Variants in TASOR observed in about 807,000 individuals in gnomAD.
TASOR encodes transcription activation suppressor, also known as protein TASOR.
TASOR carries 53 observed loss-of-function variants against 178.6 expected under a neutral mutation model. The observed-to-expected ratio is 0.30, with a 90% CI of 0.24 to 0.37. TASOR has a LOEUF of 0.37. Ranked by LOEUF, TASOR falls within the 10% of genes least tolerant of loss-of-function variation. TASOR has a pLI of 1.00. For missense variants in TASOR, 1,815 were observed against 1,971.4 expected, an observed-to-expected ratio of 0.92 and a Z score of 1.50; for synonymous variants, 713 against 696.2, an observed-to-expected ratio of 1.02 and a Z score of -0.38.
chr3:56,677,782 T>C (rs1248415113), intron 1 of TASOR, among the ~76,000 whole-genome samples: 1 of 152,188 alleles, frequency 6.6e-6, no homozygotes, highest in African/African-American at 2.4e-5. Flanking sequence ...TTCTCTCAAA[T>C]TTCTTAATTT....
At chr3:56,669,160 C>T (rs943757057) in intron 5 of TASOR, among the ~76,000 whole-genome samples, 7 of 152,038 alleles carry the variant, frequency 4.6e-5, no homozygotes, top group Non-Finnish European at 8.8e-5. Flanking sequence ...CTCTACATTC[C>T]TTTCTTTGGA....
intron 5 of TASOR, among the ~76,000 whole-genome samples, chr3:56,668,968 G>A (rs547875415): frequency 1.3e-5 from 2 of 151,224 alleles, no homozygotes; most frequent in South Asian, 2.1e-4. Context: ...GTGAGACTCC[G>A]TCTCCAAAAA....
chr3:56,668,466 T>A lies in TASOR; in HGVS notation c.828A>T (p.Glu276Asp), dbSNP rs764081373. Reference sequence around the variant, plus strand: ...GATTGGCATTCTTTGACACGTGACATTCATGCTTTGGTGTGGGGTCCAAAG... The same window carrying A: ...GATTGGCATTCTTTGACACGTGACAATCATGCTTTGGTGTGGGGTCCAAAG... The part of the protein sequence containing the change: ...KSALDPTPKH[E>D]CHVSKNANRI... Residue 276 changes from glutamate (E) to aspartate (D), a missense_variant, in exon 6 of 24, where the codon GAA becomes GAT. Physicochemically the swap from Glu to Asp is conservative, Grantham distance 45 (BLOSUM62 2). Around this residue, in one of 5 missense-constraint regions of TASOR, gnomAD observed 504 missense variants for 645.3 expected, o/e 0.78. Coordinates refer to ENST00000683822, the MANE Select transcript of TASOR (RefSeq NM_001365635.2). 1.9e-6 allele frequency: 3 copies of A among 1,551,634 alleles called. No individual in the cohort carries two copies. The South Asian group carries it at 3.6e-5, about 18-fold the overall frequency.
chr3:56,677,038 C>A (rs2031363987), intron 1 of TASOR, among the ~76,000 whole-genome samples: 2 of 152,134 alleles, frequency 1.3e-5, no homozygotes, highest in African/African-American at 4.8e-5. Flanking sequence ...AATTATCCTG[C>A]AACTATTTTT....
chr3:56,671,322 G>A (rs1044613523), intron 3 of TASOR: 1 of 240,132 alleles, frequency 4.2e-6, no homozygotes, highest in Non-Finnish European at 8.0e-6. Flanking sequence ...CTGGGTGACA[G>A]AGCAAGACTC....
In TASOR at chr3:56,623,292, T is replaced by C. The variant is rs1484421574; in HGVS notation, c.4758A>G (p.Ser1586=). The C allele has an allele frequency of 6.2e-7, 1 of 1,613,596 alleles. No individual in the cohort carries two copies. Among genetic ancestry groups the C allele is most frequent in the Non-Finnish European group, 8.5e-7 (1 of 1,179,962 alleles). Residue 1586 remains serine, a synonymous_variant, in exon 24 of 24, where the codon TCA becomes TCG. Coordinates refer to ENST00000683822, the MANE Select transcript of TASOR (RefSeq NM_001365635.2). ...IVCSEGENSN[S]TEQDSYSNFQ... is the part of the protein sequence containing the mutation. ...AGTTACTATATGAATCTTGTTCTGT[T>C]GAATTGCTGTTCTCTCCTTCAGAGC...
At chr3:56,670,463 C>T (rs940523815) in intron 3 of TASOR, among the ~76,000 whole-genome samples, 6 of 152,120 alleles carry the variant, frequency 3.9e-5, no homozygotes, top group Non-Finnish European at 8.8e-5. Flanking sequence ...ACCTCAGCCT[C>T]CCAAGTAACT....
chr3:56,682,264 T>C (rs901233491), intron 1 of TASOR, among the ~76,000 whole-genome samples: 27 of 152,198 alleles, frequency 1.8e-4, no homozygotes, highest in African/African-American at 6.5e-4. Flanking sequence ...CCTCAGAACA[T>C]TGGCAATGGC....
At chr3:56,624,700 A>C in intron 22 of TASOR, 57 bp from the exon 23 acceptor site, 1 of 1,554,388 alleles carries the variant, frequency 6.4e-7, no homozygotes, top group South Asian at 1.2e-5. Flanking sequence ...GACAGCCCCT[A>C]GCCCTCACAA....
Position 56,633,507 on chromosome 3 carries a change from T to C in TASOR, c.3284A>G (p.Lys1095Arg), listed in dbSNP as rs768319256. The C allele has an allele frequency of 1.2e-6, 2 of 1,614,084 alleles. No homozygotes were observed. The highest frequency in any genetic ancestry group is 1.7e-5 in the Admixed American group (1 of 59,998). ...LNTIIIKASA[K>R]GGNLPPVSPN... Reference sequence around the variant, plus strand: ...ACTGACTGGTGGCAAATTCCCACCCTTGGCTGATGCTTTAATAATAATAGT... The same window carrying C: ...ACTGACTGGTGGCAAATTCCCACCCCTGGCTGATGCTTTAATAATAATAGT... Residue 1095 changes from lysine (K) to arginine (R), a missense_variant, in exon 18 of 24, where the codon AAG becomes AGG. Physicochemically the swap from Lys to Arg is conservative, Grantham distance 26. Transcript: ENST00000683822.
rs1463718417 is a variant in TASOR at position 56,624,694 on chromosome 3, G to C, written c.4319-51C>G. ...TATGAAACACTTCAAAATATAGACAGCCCCTAGCCCTCACAAAATCTTTTC... is the reference window on the plus strand; with the variant it reads ...TATGAAACACTTCAAAATATAGACACCCCCTAGCCCTCACAAAATCTTTTC... On this transcript the variant is annotated intron_variant, in intron 22 of 23. Transcript: ENST00000683822. 1.9e-6 allele frequency: 3 copies of C among 1,553,258 alleles called. No individual in the cohort carries two copies. The South Asian group carries it at 3.5e-5, about 18-fold the overall frequency.
At chr3:56,678,493 T>C (rs1422562534) in intron 1 of TASOR, among the ~76,000 whole-genome samples, 3 of 151,968 alleles carry the variant, frequency 2.0e-5, no homozygotes, top group African/African-American at 7.3e-5. Flanking sequence ...CACTCAAGAT[T>C]TGAAGGTTGT....
rs747607787 is a variant in TASOR at position 56,623,547 on chromosome 3, TTCA to T, written c.4500_4502del (p.Asp1500del). 1.7e-5 allele frequency: 27 copies of T among 1,573,240 alleles called. No individual in the cohort carries two copies. Among genetic ancestry groups the T allele is most frequent in the East Asian group, 2.2e-5 (1 of 44,712 alleles). The stretch of plus-strand genomic sequence containing the variant: ...CCAGAGACATATCCTCTTCATCCTT[TTCA>T]TCGTTTTCTAAAAGAGCTACATTTA... On this transcript the variant is annotated inframe_deletion, in exon 24 of 24. Transcript: ENST00000683822.
intron 6 of TASOR, among the ~76,000 whole-genome samples, chr3:56,667,517 T>C: frequency 6.6e-6 from 1 of 151,386 alleles, no homozygotes; most frequent in East Asian, 1.9e-4. Flanking sequence ...ATTAGCTAGG[T>C]GAGGTGGCAG....
In TASOR at chr3:56,646,627, T is replaced by C. The variant is rs2077244385; in HGVS notation, c.2110A>G (p.Met704Val). Residue 704 changes from methionine (M) to valine (V), a missense_variant, in exon 14 of 24, where the codon ATG becomes GTG. Met to Val is a conservative substitution (Grantham distance 21). Around this residue, in one of 5 missense-constraint regions of TASOR, gnomAD observed 504 missense variants for 645.3 expected, o/e 0.78. Transcript: ENST00000683822. Reference sequence around the variant, plus strand: ...CTCTTCAAGACAGTTTTGCTTCTCATATCTTCTGTGTCTGAGTCCCCACCC... The same window carrying C: ...CTCTTCAAGACAGTTTTGCTTCTCACATCTTCTGTGTCTGAGTCCCCACCC... Reference protein sequence around the residue: ...SVGGDSDTEDMRSKTVLKRKL... With the variant: ...SVGGDSDTEDVRSKTVLKRKL... 8.1e-6 allele frequency: 13 copies of C among 1,613,574 alleles called. No individual in the cohort carries two copies. Among genetic ancestry groups the C allele is most frequent in the Non-Finnish European group, 1.0e-5 (12 of 1,180,024 alleles).
chr3:56,658,248 G>C (rs945326284), intron 11 of TASOR, among the ~76,000 whole-genome samples: 1 of 152,086 alleles, frequency 6.6e-6, no homozygotes, highest in Admixed American at 6.6e-5. Flanking sequence ...TAAGATCTAG[G>C]ATTTTACTTT....
chr3:56,678,177 ATT>A (rs533306611), intron 1 of TASOR, among the ~76,000 whole-genome samples: 10,893 of 106,320 alleles, frequency 0.1, 396 homozygotes, highest in East Asian at 0.32. Context: ...CACACTTATG[ATT>A]TTTTTTTTTT....
At position 56,626,894 on chromosome 3, in the gene TASOR, T is replaced by G. The variant is rs75876159; in HGVS notation, c.4139+143A>C. ...CTGCTTCTTATAAAGGCTAGAATAA[T>G]TCAGTATCTATACTCAATTATGGCT... On this transcript the variant is annotated intron_variant, in intron 21 of 23. Transcript: ENST00000683822. 4.8e-3 allele frequency: 2,541 copies of G among 533,718 alleles called. 53 individuals are homozygous for G. Among genetic ancestry groups the G allele is most frequent in the African/African-American group, 0.042 (2,223 of 53,104 alleles). The allele number at this position is 533,718 out of a possible 1,614,324, so 33.1% of individuals were successfully genotyped here.
Position 56,633,969 on chromosome 3 carries a change from A to G in TASOR, c.2825-3T>C. On this transcript the variant is annotated splice_region_variant and splice_polypyrimidine_tract_variant and intron_variant, in intron 17 of 23. Coordinates refer to ENST00000683822, the MANE Select transcript of TASOR (RefSeq NM_001365635.2). ...TTGTTCTTCTGGTGATTTCATACCT[A>G]TACAGGAAGAGTTCATTATTATAAG... 2 of 1,522,948 alleles carry G rather than the reference A, an allele frequency of 1.3e-6. No homozygotes were observed. The highest frequency in any genetic ancestry group is 2.8e-5 in the African/African-American group (2 of 72,014). The allele number at this position is 1,522,948 out of a possible 1,614,324, so 94.3% of individuals were successfully genotyped here.
Sources: allele counts gnomAD v4.1 joint callset (sites outside exome capture counted in the v4.1 genomes callset), GRCh38; gene constraint gnomAD v4.1.1; regional missense constraint gnomAD v4.1.1; transcripts MANE v1.5; gene names NCBI Gene and HGNC (gene_info 2026-07-23, HGNC 2026-07-21).